Variants in ESRRG observed in about 807,000 individuals in gnomAD.
ESRRG encodes the protein estrogen-related receptor gamma.
In ESRRG, 13 loss-of-function variants were observed where a neutral mutation model predicts 44.0. The observed-to-expected ratio is 0.30, with a 90% CI of 0.19 to 0.47. The LOEUF (loss-of-function observed/expected upper bound fraction) is 0.47, where lower values mean the gene tolerates loss of function less well. ESRRG is among the 20% of genes least tolerant of loss of function. The pLI is 1.00. For missense variants in ESRRG, 395 were observed against 580.6 expected, an observed-to-expected ratio of 0.68 and a Z score of 3.29; for synonymous variants, 215 against 214.6, an observed-to-expected ratio of 1.00 and a Z score of -0.02.
At chr1:216,947,492 A>G (rs1468764057) in intron 1 of ESRRG, among the ~76,000 whole-genome samples, 2 of 152,184 alleles carry the variant, frequency 1.3e-5, no homozygotes, top group Non-Finnish European at 2.9e-5. Flanking sequence ...GCTTCCTCAG[A>G]TGTATTTTTT....
intron 1 of ESRRG, among the ~76,000 whole-genome samples, chr1:216,687,651 T>C (rs184821606): frequency 1.3e-5 from 2 of 152,316 alleles, no homozygotes; most frequent in South Asian, 2.1e-4. Flanking sequence ...TAGCGTCTCC[T>C]ACATCTGAAG....
At chr1:216,861,856 A>G (rs1277724724) in intron 2 of ESRRG, among the ~76,000 whole-genome samples, 1 of 152,134 alleles carries the variant, frequency 6.6e-6, no homozygotes, top group Non-Finnish European at 1.5e-5. Context: ...ACAAGAAAAC[A>G]AAAAACCTAA....
intron 1 of ESRRG, among the ~76,000 whole-genome samples, chr1:217,005,414 A>G (rs1002855971): frequency 3.3e-5 from 5 of 152,180 alleles, no homozygotes; most frequent in African/African-American, 1.2e-4. Flanking sequence ...CATGACAACT[A>G]CCAGCTCAAT....
intron 1 of ESRRG, among the ~76,000 whole-genome samples, chr1:217,074,167 C>T (rs950446052): frequency 6.6e-6 from 1 of 151,760 alleles, no homozygotes; most frequent in Admixed American, 6.6e-5. Flanking sequence ...CCTGCCTCAG[C>T]CTCCCCAGTA....
chr1:216,676,868 A>C (rs2076199625), intron 2 of ESRRG, among the ~76,000 whole-genome samples: 1 of 152,240 alleles, frequency 6.6e-6, no homozygotes, highest in South Asian at 2.1e-4. Context: ...AAAGCTTAAC[A>C]GTAAGAGGAA....
intron 3 of ESRRG, among the ~76,000 whole-genome samples, chr1:216,582,564 C>T (rs913953468): frequency 2.0e-5 from 3 of 152,096 alleles, no homozygotes; most frequent in Non-Finnish European, 4.4e-5. Flanking sequence ...CCTCAGCTTC[C>T]CAGGTAGCTG....
chr1:216,583,037 G>T (rs1279346688), intron 3 of ESRRG, among the ~76,000 whole-genome samples: 1 of 145,398 alleles, frequency 6.9e-6, no homozygotes, highest in East Asian at 2.0e-4. Context: ...AGTCTTGAGT[G>T]TTTGAAGAAA....
Position 216,547,253 on chromosome 1 carries a change from T to TTGTTGATGA in ESRRG, c.862+16965_862+16966insTCATCAACA, listed in dbSNP as rs140514176. Among the ~76,000 whole-genome samples the TTGTTGATGA allele has an allele frequency of 5.9e-3, 895 of 150,854 alleles. 7 individuals carry two copies. Among genetic ancestry groups the TTGTTGATGA allele is most frequent in the African/African-American group, 0.021 (845 of 41,014 alleles). On this transcript the variant is annotated intron_variant, in intron 5 of 6. Coordinates refer to ENST00000408911, the MANE Select transcript of ESRRG (RefSeq NM_001438.4). ...ATGTAGCTGGATGATGTTGATGTTG[T>TTGTTGATGA]TGATGATGATGATGATGATGATGAT...
chr1:216,569,328 C>T (rs2060364328), intron 3 of ESRRG, among the ~76,000 whole-genome samples: 1 of 151,772 alleles, frequency 6.6e-6, no homozygotes, highest in East Asian at 1.9e-4. Flanking sequence ...ATTCCAAATG[C>T]TTGGATGTCG....
chr1:216,567,964 G>T, intron 4 of ESRRG, 24 bp downstream of exon 4: 2 of 1,499,960 alleles, frequency 1.3e-6, no homozygotes, highest in Non-Finnish European at 1.9e-6. Context: ...GTTCTGGGAA[G>T]CCAGACACAT....
intron 1 of ESRRG, among the ~76,000 whole-genome samples, chr1:216,952,915 C>T (rs1332754695): frequency 6.6e-6 from 1 of 151,920 alleles, no homozygotes; most frequent in Non-Finnish European, 1.5e-5. Context: ...CCCTCACTTC[C>T]ACGAATTCAA....
chr1:216,953,223 A>C (rs2067282331), intron 1 of ESRRG, among the ~76,000 whole-genome samples: 1 of 152,178 alleles, frequency 6.6e-6, no homozygotes, highest in Admixed American at 6.6e-5. Flanking sequence ...ATGCAATTTT[A>C]GCCTTATAAT....
chr1:216,740,145 T>C (rs2090486599), intron 2 of ESRRG, among the ~76,000 whole-genome samples: 1 of 152,176 alleles, frequency 6.6e-6, no homozygotes, highest in Admixed American at 6.6e-5. Flanking sequence ...ATTCTCTATT[T>C]TGAATGAATA....
intron 1 of ESRRG, among the ~76,000 whole-genome samples, chr1:216,707,119 T>A (rs1243375383): frequency 6.6e-6 from 1 of 152,268 alleles, no homozygotes; most frequent in African/African-American, 2.4e-5. Context: ...ATGAGTTTAC[T>A]AATTCAAACC....
At chr1:216,581,387 G>T (rs563046862) in intron 3 of ESRRG, among the ~76,000 whole-genome samples, 1 of 152,210 alleles carries the variant, frequency 6.6e-6, no homozygotes, top group African/African-American at 2.4e-5. Context: ...TACATACATA[G>T]AGATAAACAT....
intron 1 of ESRRG, among the ~76,000 whole-genome samples, chr1:217,065,693 T>C (rs2089526726): frequency 1.3e-5 from 2 of 152,206 alleles, no homozygotes; most frequent in African/African-American, 4.8e-5. Context: ...ATATGGTTTT[T>C]GGAGAGGAAA....
At chr1:216,756,899 A>G (rs2092476093) in intron 2 of ESRRG, among the ~76,000 whole-genome samples, 1 of 151,956 alleles carries the variant, frequency 6.6e-6, no homozygotes, top group South Asian at 2.1e-4. Flanking sequence ...TAGAGTAGAG[A>G]CTGAAAAACA....
intron 2 of ESRRG, among the ~76,000 whole-genome samples, chr1:216,929,568 G>A (rs905884320): frequency 6.6e-6 from 1 of 152,158 alleles, no homozygotes; most frequent in Admixed American, 6.6e-5. Flanking sequence ...AAAAAACAAG[G>A]AGTATGTAGA....
intron 3 of ESRRG, among the ~76,000 whole-genome samples, chr1:216,639,785 T>C (rs1435198275): frequency 6.6e-6 from 1 of 152,160 alleles, no homozygotes; most frequent in African/African-American, 2.4e-5. Context: ...GAGAAACAGG[T>C]TAACCAAAGG....
Sources: gnomAD v4.1 joint callset for allele counts (sites outside exome capture counted in the v4.1 genomes callset) on GRCh38, gnomAD v4.1.1 for gene constraint, MANE v1.5 for transcripts, NCBI Gene and HGNC (gene_info 2026-07-23, HGNC 2026-07-21) for gene names.